ANKRD44: variants seen among roughly 807,000 people sequenced by gnomAD.
ANKRD44 encodes the protein serine/threonine-protein phosphatase 6 regulatory ankyrin repeat subunit B.
A neutral mutation model predicts 116.0 loss-of-function variants in ANKRD44; 35 were observed. The observed-to-expected ratio is 0.30, with a 90% CI of 0.23 to 0.40. ANKRD44 has a LOEUF of 0.40. Ranked by LOEUF, ANKRD44 falls within the 10% of genes least tolerant of loss-of-function variation. The pLI is 1.00. For missense variants in ANKRD44, 1,014 were observed against 1,242.6 expected (o/e 0.82, Z 2.77); for synonymous variants, 435 against 461.8 (o/e 0.94, Z 0.74).
At chr2:197,185,900 T>C (rs562220683) in intron 2 of ANKRD44, among the ~76,000 whole-genome samples, 1 of 152,184 alleles carries the variant, frequency 6.6e-6, no homozygotes, top group South Asian at 2.1e-4. Flanking sequence ...AAAAAACAGA[T>C]AGTAAATATC....
intron 1 of ANKRD44, among the ~76,000 whole-genome samples, chr2:197,263,891 A>G (rs2082674811): frequency 6.6e-6 from 1 of 152,098 alleles, no homozygotes; most frequent in Non-Finnish European, 1.5e-5. Flanking sequence ...CTTGTAGAAA[A>G]TTAATTATGT....
chr2:197,172,546 T>C (rs959722390), intron 2 of ANKRD44, among the ~76,000 whole-genome samples: 3 of 152,276 alleles, frequency 2.0e-5, no homozygotes, highest in Admixed American at 6.5e-5. Context: ...ACTCACCTGA[T>C]TGTATGATCC....
At chr2:197,074,780 A>G (rs1204027005) in intron 16 of ANKRD44, among the ~76,000 whole-genome samples, 3 of 152,204 alleles carry the variant, frequency 2.0e-5, no homozygotes, top group Non-Finnish European at 4.4e-5. Flanking sequence ...GCACCTGGCC[A>G]TAAGTCTGTC....
At chr2:196,982,732 G>C (rs1450293788), downstream of ANKRD44, among the ~76,000 whole-genome samples, 2 of 152,076 alleles carry the variant, frequency 1.3e-5, no homozygotes, top group Non-Finnish European at 2.9e-5. Flanking sequence ...CTACCTAATT[G>C]GTCACTAGGG....
chr2:197,003,197 G>C (rs1238427519), intron 21 of ANKRD44, among the ~76,000 whole-genome samples: 1 of 151,674 alleles, frequency 6.6e-6, no homozygotes, highest in African/African-American at 2.4e-5. Context: ...TGTAGTTCCA[G>C]CTACTCGGGA....
rs146573475 is a variant in ANKRD44, at chr2:197,115,972, C to A, written c.907-5128G>T. 8.9e-4 allele frequency among the ~76,000 whole-genome samples: 135 copies of A among 152,266 alleles called. 1 individual carries two copies. The highest frequency in any genetic ancestry group is 3.0e-3 in the African/African-American group (123 of 41,544). On this transcript the variant is annotated intron_variant, in intron 8 of 27. Coordinates refer to ENST00000282272, the MANE Select transcript of ANKRD44 (RefSeq NM_001195144.2). ...TTTACACAGAGTCAATCATAATAAA[C>A]TCAAATCTCAGAGTTTTAAAATGGC...
intron 15 of ANKRD44, among the ~76,000 whole-genome samples, chr2:197,080,464 G>GC (rs369493805): frequency 6.6e-6 from 1 of 152,100 alleles, no homozygotes; most frequent in Non-Finnish European, 1.5e-5. Context: ...GGTTCCCCCT[G>GC]CCCCCCTACC....
chr2:196,982,531 A>G (rs1298010134), downstream of ANKRD44, among the ~76,000 whole-genome samples: 1 of 152,174 alleles, frequency 6.6e-6, no homozygotes, highest in East Asian at 1.9e-4. Flanking sequence ...CAACTTTCAC[A>G]TGTCTACAAT....
At chr2:197,063,890 CAGG>C (rs1048590212) in intron 16 of ANKRD44, among the ~76,000 whole-genome samples, 5 of 152,138 alleles carry the variant, frequency 3.3e-5, no homozygotes, top group Non-Finnish European at 7.3e-5. Flanking sequence ...GGATATTATC[CAGG>C]AGAACTTCCC....
At chr2:197,015,213 GTTTC>G (rs2076369287) in intron 17 of ANKRD44, 2 of 314,944 alleles carry the variant, frequency 6.4e-6, no homozygotes, top group Non-Finnish European at 1.2e-5. Context: ...CCAGAGAGCT[GTTTC>G]TAGGGAAGAT....
At chr2:197,038,086 T>G (rs886718020) in intron 16 of ANKRD44, among the ~76,000 whole-genome samples, 2 of 152,168 alleles carry the variant, frequency 1.3e-5, no homozygotes, top group Non-Finnish European at 2.9e-5. Context: ...ATACCTGGCA[T>G]TATACATTTT....
chr2:197,202,660 C>A (rs2081119285), intron 1 of ANKRD44, among the ~76,000 whole-genome samples: 1 of 152,076 alleles, frequency 6.6e-6, no homozygotes, highest in Non-Finnish European at 1.5e-5. Flanking sequence ...GCAAGCTCGA[C>A]CTCCCTGGGG....
chr2:196,979,190 A>AT (rs2125863629), intron 21 of ANKRD44, among the ~76,000 whole-genome samples: 1 of 151,978 alleles, frequency 6.6e-6, no homozygotes, highest in South Asian at 2.1e-4. Flanking sequence ...AGGTCAGGAG[A>AT]TTGAGACCAT....
In ANKRD44 at chr2:196,987,235, A is replaced by T; in HGVS notation, c.*2356T>A. On this transcript the variant is annotated 3_prime_UTR_variant, in exon 28 of 28. Transcript: ENST00000282272. ...AGCACTGCAAAATCAAACAATTCCT[A>T]TAGAAAACTTAAGCATTTTCATATT... is the stretch of plus-strand genomic sequence containing the variant. The T allele has an allele frequency of 4.1e-6, 4 of 985,364 alleles. No individual in the cohort carries two copies. Among genetic ancestry groups the T allele is most frequent in the Non-Finnish European group, 4.8e-6 (4 of 829,832 alleles). 61.0% of individuals were successfully genotyped at this position (985,364 alleles called of 1,614,324 possible). A position where few individuals can be genotyped will look rare whatever the true frequency, so the allele number is the denominator to read the frequency against.
chr2:197,309,972 C>A (rs1363211076), intron 1 of ANKRD44, among the ~76,000 whole-genome samples: 3 of 152,190 alleles, frequency 2.0e-5, no homozygotes, highest in African/African-American at 7.2e-5. Flanking sequence ...TCCGAGCCGA[C>A]TTCACCTCCT....
intron 1 of ANKRD44, among the ~76,000 whole-genome samples, chr2:197,260,240 C>A (rs577389570): frequency 2.7e-4 from 41 of 152,280 alleles, no homozygotes; most frequent in South Asian, 2.1e-4. Flanking sequence ...CCACTCCCCC[C>A]ACTCCACAAC....
At chr2:197,132,304 C>T (rs1334640413) in intron 4 of ANKRD44, among the ~76,000 whole-genome samples, 1 of 152,174 alleles carries the variant, frequency 6.6e-6, no homozygotes, top group Non-Finnish European at 1.5e-5. Context: ...CATAAGTCTT[C>T]AAGACTTATC....
intron 1 of ANKRD44, among the ~76,000 whole-genome samples, chr2:197,286,044 T>A (rs1398611781): frequency 6.6e-6 from 1 of 152,146 alleles, no homozygotes. Flanking sequence ...AGCTGGCCAA[T>A]TTGGCACAAG....
chr2:197,201,401 TGGCACTAGGCAACCACAAA>T lies in ANKRD44; in HGVS notation c.28-14314_28-14296del, dbSNP rs147037759. Among the ~76,000 whole-genome samples, 13,054 of 152,196 alleles carry T rather than the reference TGGCACTAGGCAACCACAAA, an allele frequency of 0.086. 1,875 individuals carry two copies. Among genetic ancestry groups the T allele is most frequent in the African/African-American group, 0.29 (12,195 of 41,458 alleles). On this transcript the variant is annotated intron_variant, in intron 1 of 27. Transcript: ENST00000282272. This position sits in a 1 kb window ranked among gnomAD's most constrained non-coding sequence, Gnocchi z 4.0. ...GAATTTTGAATGCCCGTTGCCTCCG[TGGCACTAGGCAACCACAAA>T]GGCAACTGAGGTCTGAGACAAGGCA...
Sources: gnomAD v4.1 joint callset for allele counts (sites outside exome capture counted in the v4.1 genomes callset) on GRCh38, gnomAD v4.1.1 for gene constraint, Gnocchi (gnomAD v3.1) non-coding constraint, MANE v1.5 for transcripts, NCBI Gene and HGNC (gene_info 2026-07-23, HGNC 2026-07-21) for gene names.